The following SMIM10L2A variants were observed in gnomAD, a reference collection of about 807,000 sequenced individuals.
SMIM10L2A encodes small integral membrane protein 10 like 2A, also known as small integral membrane protein 10-like protein 2A.
SMIM10L2A carries 2 observed loss-of-function variants against 3.0 expected under a neutral mutation model. The ratio of observed to expected loss-of-function variants is 0.66; its 90% CI spans 0.27 to 2.08. The LOEUF is 2.08. SMIM10L2A is among the 30% of genes most tolerant of loss of function. The probability of loss-of-function intolerance (pLI) is 0.14; values close to 1 mark genes in which losing one functional copy is unlikely to be tolerated. For synonymous variants in SMIM10L2A, 29 were observed against 34.8 expected, an observed-to-expected ratio of 0.83 and a Z score of 0.58; for missense variants, 59 against 66.5, an observed-to-expected ratio of 0.89 and a Z score of 0.39.
chrX:135,422,262 T>C lies in SMIM10L2A; in HGVS notation c.131T>C (p.Leu44Pro), dbSNP rs1345954935. The C allele has an allele frequency of 1.0e-5, 11 of 1,089,056 alleles. No homozygotes were observed. The highest frequency in any genetic ancestry group is 1.9e-5 in the African/African-American group (1 of 52,144). 89.8% of individuals were successfully genotyped at this position (1,089,056 alleles called of 1,213,427 possible). Residue 44 changes from leucine (L) to proline (P), a missense_variant, in exon 1 of 2, where the codon CTG (leucine) becomes CCG (proline). By Grantham distance (98) the Leu-to-Pro change is moderately conservative. Transcript: ENST00000417443. ...GAFCKGLTRT[L>P]LTFFDLAWRL... Reference sequence around the variant, plus strand: ...TTCTGCAAGGGGCTCACGCGCACGCTGCTCACCTTCTTCGACCTGGCCTGG... The same window carrying C: ...TTCTGCAAGGGGCTCACGCGCACGCCGCTCACCTTCTTCGACCTGGCCTGG...
chrX:135,424,900 C>T lies in SMIM10L2A; in HGVS notation c.*1630C>T, dbSNP rs2148518564. ...CCAAGTTTCTTGGGAACCCCTGACC[C>T]TGCTGGCCCCTCTCATCCACCCCAA... is the stretch of plus-strand genomic sequence containing the variant. On this transcript the variant is annotated 3_prime_UTR_variant, in exon 2 of 2. Transcript: ENST00000417443. 8.9e-6 allele frequency: 1 copy of T among 111,951 alleles called. No homozygotes were observed. Among genetic ancestry groups the T allele is most frequent in the East Asian group, 2.8e-4 (1 of 3,525 alleles). The allele number at this position is 111,951 out of a possible 1,213,427, so 9.2% of individuals were successfully genotyped here. A position where few individuals can be genotyped will look rare whatever the true frequency, so the allele number is the denominator to read the frequency against.
chrX:135,425,357 C>A lies in SMIM10L2A; in HGVS notation c.*2087C>A, dbSNP rs2085148232. On this transcript the variant is annotated 3_prime_UTR_variant, in exon 2 of 2. Transcript: ENST00000417443. ...GTCACGGAAGTCCATGTCCGCCCAC[C>A]CCCAGTGGCTTCTGGTGTGGCCGTA... is the stretch of plus-strand genomic sequence containing the variant. The A allele has an allele frequency of 8.9e-6, 1 of 112,115 alleles. No homozygotes were observed. The highest frequency in any genetic ancestry group is 1.9e-5 in the Non-Finnish European group (1 of 53,132). 9.2% of individuals were successfully genotyped at this position (112,115 alleles called of 1,213,427 possible). A position where few individuals can be genotyped will look rare whatever the true frequency, so the allele number is the denominator to read the frequency against.
In SMIM10L2A at chrX:135,427,396, C is replaced by T. The variant is rs1214455520; in HGVS notation, c.*4126C>T. 4 of 112,031 alleles carry T rather than the reference C, an allele frequency of 3.6e-5. No individual in the cohort carries two copies. In the East Asian group the frequency reaches 1.1e-3, roughly 31 times the overall value. 9.2% of individuals were successfully genotyped at this position (112,031 alleles called of 1,213,427 possible). A position where few individuals can be genotyped will look rare whatever the true frequency, so the allele number is the denominator to read the frequency against. ...CTGTGGCCACCCTGAGATGGGTCTACCTGTCTTCCTTCCATTCCACCTCCA... is the reference window on the plus strand; with the variant it reads ...CTGTGGCCACCCTGAGATGGGTCTATCTGTCTTCCTTCCATTCCACCTCCA... On this transcript the variant is annotated 3_prime_UTR_variant, in exon 2 of 2. Transcript: ENST00000417443.
chrX:135,423,252 T>C (rs1257460173), intron 1 of SMIM10L2A, among the ~76,000 whole-genome samples: 3 of 112,317 alleles, frequency 2.7e-5, no homozygotes, highest in Non-Finnish European at 3.8e-5. Flanking sequence ...TGCTGTCCCT[T>C]ATGTTCCCCT....
chrX:135,427,367 G>A lies in SMIM10L2A; in HGVS notation c.*4097G>A, dbSNP rs1291317373. ...CTCCAAATGGAACTCCCCAGTGGGAGCAGCTGTGGCCACCCTGAGATGGGT... is the reference window on the plus strand; with the variant it reads ...CTCCAAATGGAACTCCCCAGTGGGAACAGCTGTGGCCACCCTGAGATGGGT... On this transcript the variant is annotated 3_prime_UTR_variant, in exon 2 of 2. Transcript: ENST00000417443. The A allele has an allele frequency of 4.5e-5, 5 of 112,025 alleles. No homozygotes were observed. The highest frequency in any genetic ancestry group is 9.4e-5 in the Non-Finnish European group (5 of 53,224). 9.2% of individuals were successfully genotyped at this position (112,025 alleles called of 1,213,427 possible).
chrX:135,427,802 G>C lies in SMIM10L2A; in HGVS notation c.*4532G>C, dbSNP rs1334484808. On this transcript the variant is annotated 3_prime_UTR_variant, in exon 2 of 2. Coordinates refer to ENST00000417443, the MANE Select transcript of SMIM10L2A (RefSeq NM_203306.3). ...TTTTTCTTTGTTGTCATTTATTTTG[G>C]TGGGGGTTGGTTTGCTTTTTGTTGT... The C allele has an allele frequency of 8.9e-6, 1 of 111,984 alleles. No homozygotes were observed. The highest frequency in any genetic ancestry group is 2.8e-4 in the East Asian group (1 of 3,581). 9.2% of individuals were successfully genotyped at this position (111,984 alleles called of 1,213,427 possible).
At position 135,425,398 on chromosome X, in the gene SMIM10L2A, T is replaced by C. The variant is rs374345187; in HGVS notation, c.*2128T>C. On this transcript the variant is annotated 3_prime_UTR_variant, in exon 2 of 2. Coordinates refer to ENST00000417443, the MANE Select transcript of SMIM10L2A (RefSeq NM_203306.3). ...TGTGGCCGTATTGGCCTAGAGGGGC[T>C]GACTGGGGAGGGTCAGGGCCAAGCC... is the stretch of plus-strand genomic sequence containing the variant. The C allele has an allele frequency of 8.9e-6, 1 of 112,041 alleles. No homozygotes were observed. The highest frequency in any genetic ancestry group is 3.3e-5 in the African/African-American group (1 of 30,736). The allele number at this position is 112,041 out of a possible 1,213,427, so 9.2% of individuals were successfully genotyped here.
At position 135,425,427 on chromosome X, in the gene SMIM10L2A, A is replaced by G. The variant is rs1411901985; in HGVS notation, c.*2157A>G. The G allele has an allele frequency of 8.9e-6, 1 of 112,087 alleles. No individual in the cohort carries two copies. Among genetic ancestry groups the G allele is most frequent in the Non-Finnish European group, 1.9e-5 (1 of 53,173 alleles). 9.2% of individuals were successfully genotyped at this position (112,087 alleles called of 1,213,427 possible). A position where few individuals can be genotyped will look rare whatever the true frequency, so the allele number is the denominator to read the frequency against. The stretch of plus-strand genomic sequence containing the variant: ...TGGGGAGGGTCAGGGCCAAGCCCTC[A>G]GCATCTGCTCCTGTCCCTGCTTTTT... On this transcript the variant is annotated 3_prime_UTR_variant, in exon 2 of 2. Transcript: ENST00000417443.
chrX:135,422,152 GTC>G lies in SMIM10L2A; in HGVS notation c.23_24del (p.Ser8CysfsTer62). On this transcript the variant is annotated frameshift_variant, in exon 1 of 2. Coordinates refer to ENST00000417443, the MANE Select transcript of SMIM10L2A (RefSeq NM_203306.3). LOFTEE classifies it high-confidence loss of function. MAASAAL[S>X]AAAAAAALSG... Reference sequence around the variant, plus strand: ...GGCCCATGGCGGCGTCGGCGGCTCTGTCTGCAGCGGCGGCTGCGGCGGCCCTG... The same window carrying G: ...GGCCCATGGCGGCGTCGGCGGCTCTGTGCAGCGGCGGCTGCGGCGGCCCTG... The G allele has an allele frequency of 1.5e-6, 1 of 681,483 alleles. No homozygotes were observed. The highest frequency in any genetic ancestry group is 2.0e-6 in the Non-Finnish European group (1 of 495,115). The allele number at this position is 681,483 out of a possible 1,213,427, so 56.2% of individuals were successfully genotyped here. A position where few individuals can be genotyped will look rare whatever the true frequency, so the allele number is the denominator to read the frequency against.
Position 135,422,072 on chromosome X carries a change from C to T in SMIM10L2A, c.-60C>T, listed in dbSNP as rs1424426153. 5 of 294,259 alleles carry T rather than the reference C, an allele frequency of 1.7e-5. No individual in the cohort carries two copies. Among genetic ancestry groups the T allele is most frequent in the African/African-American group, 8.4e-5 (3 of 35,665 alleles). The allele number at this position is 294,259 out of a possible 1,213,427, so 24.3% of individuals were successfully genotyped here. ...TGCACTAGTGCTCGGGTCCCACCGC[C>T]CTGAGGCTCGCGCTCGAGCGGGTCA... On this transcript the variant is annotated 5_prime_UTR_variant, in exon 1 of 2. Transcript: ENST00000417443.
chrX:135,422,164 G>A lies in SMIM10L2A; in HGVS notation c.33G>A (p.Ala11=). 1 of 762,299 alleles carries A rather than the reference G, an allele frequency of 1.3e-6. No homozygotes were observed. The highest frequency in any genetic ancestry group is 1.8e-6 in the Non-Finnish European group (1 of 561,491). 62.8% of individuals were successfully genotyped at this position (762,299 alleles called of 1,213,427 possible). A position where few individuals can be genotyped will look rare whatever the true frequency, so the allele number is the denominator to read the frequency against. Residue 11 remains alanine, a synonymous_variant, in exon 1 of 2, where the codon GCG becomes GCA. Coordinates refer to ENST00000417443, the MANE Select transcript of SMIM10L2A (RefSeq NM_203306.3). ...CGTCGGCGGCTCTGTCTGCAGCGGC[G>A]GCTGCGGCGGCCCTGTCTGGCCTGG... MAASAALSAA[A]AAAALSGLAV...
chrX:135,423,441 G>T (rs1391550199), intron 1 of SMIM10L2A, among the ~76,000 whole-genome samples, 192 bp from the exon 2 acceptor site: 1 of 113,074 alleles, frequency 8.8e-6, no homozygotes, highest in Non-Finnish European at 1.9e-5. Flanking sequence ...AGCCCCAGAC[G>T]GCCTCTAGAA....
rs782781670 is a variant in SMIM10L2A at position 135,425,933 on chromosome X, G to A, written c.*2663G>A. The A allele has an allele frequency of 2.7e-5, 3 of 111,653 alleles. No individual in the cohort carries two copies. In the Admixed American group the frequency reaches 2.8e-4, roughly 11 times the overall value. 9.2% of individuals were successfully genotyped at this position (111,653 alleles called of 1,213,427 possible). On this transcript the variant is annotated 3_prime_UTR_variant, in exon 2 of 2. Transcript: ENST00000417443. The stretch of plus-strand genomic sequence containing the variant: ...CTGTTCAGAGGCTGTGCTGAGAACC[G>A]ACTTGACCTGGACCACTGCCCCATG...
At position 135,422,077 on chromosome X, in the gene SMIM10L2A, G is replaced by C; in HGVS notation, c.-55G>C. 2 of 299,952 alleles carry C rather than the reference G, an allele frequency of 6.7e-6. No homozygotes were observed. Among genetic ancestry groups the C allele is most frequent in the Non-Finnish European group, 1.1e-5 (2 of 177,965 alleles). The allele number at this position is 299,952 out of a possible 1,213,427, so 24.7% of individuals were successfully genotyped here. The stretch of plus-strand genomic sequence containing the variant: ...TAGTGCTCGGGTCCCACCGCCCTGA[G>C]GCTCGCGCTCGAGCGGGTCAGTCGG... On this transcript the variant is annotated 5_prime_UTR_variant, in exon 1 of 2. Coordinates refer to ENST00000417443, the MANE Select transcript of SMIM10L2A (RefSeq NM_203306.3).
At position 135,426,978 on chromosome X, in the gene SMIM10L2A, C is replaced by T. The variant is rs2148519167; in HGVS notation, c.*3708C>T. On this transcript the variant is annotated 3_prime_UTR_variant, in exon 2 of 2. Coordinates refer to ENST00000417443, the MANE Select transcript of SMIM10L2A (RefSeq NM_203306.3). ...GTCTGTTCATTGTTTGTCATCAGGT[C>T]TCACCTGGAGCAGCCTTGTTACTGT... 8.8e-6 allele frequency: 1 copy of T among 113,154 alleles called. No homozygotes were observed. The highest frequency in any genetic ancestry group is 9.2e-5 in the Admixed American group (1 of 10,818). The allele number at this position is 113,154 out of a possible 1,213,427, so 9.3% of individuals were successfully genotyped here. A position where few individuals can be genotyped will look rare whatever the true frequency, so the allele number is the denominator to read the frequency against.
At position 135,426,473 on chromosome X, in the gene SMIM10L2A, C is replaced by T. The variant is rs2085153280; in HGVS notation, c.*3203C>T. 8.9e-6 allele frequency: 1 copy of T among 112,335 alleles called. No homozygotes were observed. The highest frequency in any genetic ancestry group is 1.9e-5 in the Non-Finnish European group (1 of 53,185). The allele number at this position is 112,335 out of a possible 1,213,427, so 9.3% of individuals were successfully genotyped here. On this transcript the variant is annotated 3_prime_UTR_variant, in exon 2 of 2. Transcript: ENST00000417443. ...CTGAGGACACAGGGCTATGCTCAGA[C>T]TTAGGAGTGAAGACTGGGTTTAGGG...
At position 135,422,522 on chromosome X, in the gene SMIM10L2A, G is replaced by T; in HGVS notation, c.*154G>T. The T allele has an allele frequency of 4.0e-6, 1 of 247,768 alleles. No homozygotes were observed. The highest frequency in any genetic ancestry group is 7.2e-6 in the Non-Finnish European group (1 of 138,806). 20.4% of individuals were successfully genotyped at this position (247,768 alleles called of 1,213,427 possible). On this transcript the variant is annotated 3_prime_UTR_variant, in exon 1 of 2. Transcript: ENST00000417443. Reference sequence around the variant, plus strand: ...CCTGGACTCTAGACCTACGCCGCCAGGGCACGACGGCCCAGCCCTGGCCCC... The same window carrying T: ...CCTGGACTCTAGACCTACGCCGCCATGGCACGACGGCCCAGCCCTGGCCCC...
chrX:135,422,778 T>G (rs1189639133), intron 1 of SMIM10L2A, 48 bp downstream of exon 1: 11 of 114,215 alleles, frequency 9.6e-5, no homozygotes, highest in South Asian at 3.6e-4. Flanking sequence ...GCTCTGCCCT[T>G]CAGATGTCAG....
rs781856748 is a variant in SMIM10L2A at position 135,422,653 on chromosome X, AT to A, written c.*286del. 28 of 165,631 alleles carry A rather than the reference AT, an allele frequency of 1.7e-4. No homozygotes were observed. The East Asian group carries it at 2.9e-3, about 17-fold the overall frequency. The allele number at this position is 165,631 out of a possible 1,213,427, so 13.6% of individuals were successfully genotyped here. On this transcript the variant is annotated 3_prime_UTR_variant, in exon 1 of 2. Coordinates refer to ENST00000417443, the MANE Select transcript of SMIM10L2A (RefSeq NM_203306.3). ...CTGGGCTCGGCCGACCTGTTGCCTCATATTGGCCAAAGAGGGGGAAACCAGA... is the reference window on the plus strand; with the variant it reads ...CTGGGCTCGGCCGACCTGTTGCCTCAATTGGCCAAAGAGGGGGAAACCAGA...
Sources: gnomAD v4.1 joint callset for allele counts (sites outside exome capture counted in the v4.1 genomes callset) on GRCh38, gnomAD v4.1.1 for gene constraint, MANE v1.5 for transcripts, NCBI Gene and HGNC (gene_info 2026-07-23, HGNC 2026-07-21) for gene names.